The following MYOM2 variants were observed in gnomAD, a reference collection of about 807,000 sequenced individuals.
The protein encoded by MYOM2 is myomesin-2.
MYOM2 carries 254 observed loss-of-function variants against 187.6 expected under a neutral mutation model. The observed-to-expected ratio is 1.35, with a 90% confidence interval of 1.22 to 1.50. The LOEUF is 1.50. Ranked by LOEUF, MYOM2 falls within the 40% of genes most tolerant of loss-of-function variation. The probability of loss-of-function intolerance (pLI) is 0.00; values close to 1 mark genes in which losing one functional copy is unlikely to be tolerated. For synonymous variants in MYOM2, 981 were observed against 753.8 expected (o/e 1.30, Z -4.94); for missense variants, 2,796 against 1,924.0 (o/e 1.45, Z -8.48).
intron 35 of MYOM2, 85 bp from the exon 36 acceptor site, chr8:2,143,316 T>G: frequency 6.8e-7 from 1 of 1,464,706 alleles, no homozygotes; most frequent in Non-Finnish European, 9.6e-7. Context: ...ACATTCACCT[T>G]GGTACCCACT....
Position 2,098,750 on chromosome 8 carries a change from C to G in MYOM2, c.2314-107C>G. On this transcript the variant is annotated intron_variant, in intron 18 of 36. Transcript: ENST00000262113. Reference sequence around the variant, plus strand: ...TTGGTCCAATTTCCCGACAAGGTTCCTTCCTCTCATATTTTATTTCACAAG... The same window carrying G: ...TTGGTCCAATTTCCCGACAAGGTTCGTTCCTCTCATATTTTATTTCACAAG... 4.0e-6 allele frequency: 5 copies of G among 1,257,704 alleles called. No homozygotes were observed. In the South Asian group the frequency reaches 8.5e-5, roughly 21 times the overall value. 77.9% of individuals were successfully genotyped at this position (1,257,704 alleles called of 1,614,324 possible).
chr8:2,111,862 A>T (rs2116821492), intron 25 of MYOM2, among the ~76,000 whole-genome samples: 1 of 152,358 alleles, frequency 6.6e-6, no homozygotes, highest in East Asian at 1.9e-4. Context: ...TTCTGTTTAG[A>T]AAAAGTCTCA....
chr8:2,090,191 G>T lies in MYOM2; in HGVS notation c.1828G>T (p.Val610Phe). The T allele has an allele frequency of 1.2e-6, 2 of 1,611,076 alleles. No individual in the cohort carries two copies. Among genetic ancestry groups the T allele is most frequent in the East Asian group, 2.2e-5 (1 of 44,784 alleles). ...CCCCATTCAGGCCCAGGATGTGACC[G>T]GTGAGCTGTCACACTGGGTGGCCCC... The part of the protein sequence containing the change: ...TSPIQAQDVT[V>F]VPSAPGRVLA... Residue 610 changes from valine (V) to phenylalanine (F), a missense_variant and splice_region_variant, in exon 15 of 37, where the codon GTT becomes TTT. Val to Phe is a conservative substitution (Grantham distance 50). Coordinates refer to ENST00000262113, the MANE Select transcript of MYOM2 (RefSeq NM_003970.4).
At chr8:2,088,050 T>A (rs946089806) in intron 14 of MYOM2, among the ~76,000 whole-genome samples, 2 of 152,090 alleles carry the variant, frequency 1.3e-5, no homozygotes, top group African/African-American at 4.8e-5. Context: ...TTTTTGTAAT[T>A]TTTATTATTT....
At chr8:2,073,956 G>A (rs1033519703) in intron 10 of MYOM2, among the ~76,000 whole-genome samples, 1 of 152,264 alleles carries the variant, frequency 6.6e-6, no homozygotes, top group East Asian at 1.9e-4. Flanking sequence ...GACAGCCAGT[G>A]CTGTGACCTC....
intron 32 of MYOM2, among the ~76,000 whole-genome samples, chr8:2,135,822 G>C (rs1798049165): frequency 6.6e-6 from 1 of 152,270 alleles, no homozygotes; most frequent in South Asian, 2.1e-4. Context: ...AATTAATTCA[G>C]CGACTAGATA....
chr8:2,046,509 G>C (rs1818316092), intron 1 of MYOM2, among the ~76,000 whole-genome samples: 1 of 152,164 alleles, frequency 6.6e-6, no homozygotes, highest in South Asian at 2.1e-4. Context: ...GGGACGGTCT[G>C]TGCTAACAGT....
At chr8:2,099,413 C>T (rs180847658) in intron 19 of MYOM2, among the ~76,000 whole-genome samples, 3 of 151,792 alleles carry the variant, frequency 2.0e-5, no homozygotes, top group African/African-American at 7.3e-5. Context: ...GGTTCTCATT[C>T]GTGGGTTAGC....
chr8:2,117,929 T>A lies in MYOM2; in HGVS notation c.3430T>A (p.Cys1144Ser). The A allele has an allele frequency of 6.2e-7, 1 of 1,613,440 alleles. No homozygotes were observed. The highest frequency in any genetic ancestry group is 8.5e-7 in the Non-Finnish European group (1 of 1,179,660). ...EYLHWDVTEE[C>S]EVRLVCKVAN... ...CTTGCACTGGGATGTCACGGAAGAA[T>A]GTGAAGTTCGACTTGTTTGCAAGGT... The change falls in exon 28 of 37, where the codon TGT becomes AGT. Residue 1144 changes from cysteine (C) to serine (S), a missense_variant. By Grantham distance (112) the Cys-to-Ser change is moderately radical. Transcript: ENST00000262113.
At chr8:2,050,636 C>T (rs937936733) in intron 1 of MYOM2, 119 bp from the exon 2 acceptor site, 11 of 549,870 alleles carry the variant, frequency 2.0e-5, no homozygotes, top group African/African-American at 7.6e-5. Context: ...TCATTTTTTC[C>T]CTTCCCAAGG....
intron 29 of MYOM2, 68 bp from the exon 30 acceptor site, chr8:2,123,485 TAG>T: frequency 6.7e-7 from 1 of 1,487,686 alleles, no homozygotes. Context: ...GAAAATGTAT[TAG>T]AGTTTATTAC....
chr8:2,140,494 A>G (rs1798236187), intron 32 of MYOM2, among the ~76,000 whole-genome samples: 1 of 152,250 alleles, frequency 6.6e-6, no homozygotes, highest in Non-Finnish European at 1.5e-5. Context: ...ACAAGTATAT[A>G]TTACATAATA....
intron 13 of MYOM2, among the ~76,000 whole-genome samples, chr8:2,084,822 T>C (rs937179503): frequency 3.9e-5 from 6 of 152,146 alleles, no homozygotes; most frequent in Non-Finnish European, 7.3e-5. Context: ...GGGCACACGG[T>C]ATAAAGAAAG....
intron 28 of MYOM2, among the ~76,000 whole-genome samples, 173 bp from the exon 29 acceptor site, chr8:2,123,079 G>GT (rs1195898054): frequency 6.6e-6 from 1 of 152,182 alleles, no homozygotes; most frequent in African/African-American, 2.4e-5. Flanking sequence ...TTAGAAATGT[G>GT]TTTGACGTTA....
chr8:2,134,516 G>A (rs1471816132), intron 32 of MYOM2, among the ~76,000 whole-genome samples: 1 of 149,770 alleles, frequency 6.7e-6, no homozygotes, highest in Non-Finnish European at 1.5e-5. Context: ...CCGCAGACCT[G>A]TGTGCTGGGA....
rs1457247726 is a variant in MYOM2, at chr8:2,085,290, C to A, written c.1544C>A (p.Thr515Asn). The A allele has an allele frequency of 6.2e-7, 1 of 1,614,038 alleles. No homozygotes were observed. The highest frequency in any genetic ancestry group is 1.7e-5 in the Admixed American group (1 of 60,000). Residue 515 changes from threonine (T) to asparagine (N), a missense_variant, in exon 14 of 37, where the codon ACC (threonine) becomes AAC (asparagine). Coordinates refer to ENST00000262113, the MANE Select transcript of MYOM2 (RefSeq NM_003970.4). ...EGDAQVPGPPTGVHASEISRN... is the reference protein window; with the variant it reads ...EGDAQVPGPPNGVHASEISRN... Reference sequence around the variant, plus strand: ...GACGCCCAGGTTCCAGGGCCTCCCACCGGTGTGCACGCTTCCGAGATCAGC... The same window carrying A: ...GACGCCCAGGTTCCAGGGCCTCCCAACGGTGTGCACGCTTCCGAGATCAGC...
intron 19 of MYOM2, chr8:2,100,579 C>T (rs947437504): frequency 6.8e-5 from 26 of 382,532 alleles, no homozygotes; most frequent in Non-Finnish European, 6.8e-5. Flanking sequence ...TCCTTTCCCG[C>T]ACACCGTTCC....
Position 2,084,464 on chromosome 8 carries a change from A to C in MYOM2, c.1517-799A>C, listed in dbSNP as rs74472169. Among the ~76,000 whole-genome samples the C allele has an allele frequency of 4.5e-4, 68 of 152,332 alleles. 2 individuals carry two copies. Among genetic ancestry groups the C allele is most frequent in the African/African-American group, 1.6e-3 (66 of 41,576 alleles). On this transcript the variant is annotated intron_variant, in intron 13 of 36. Coordinates refer to ENST00000262113, the MANE Select transcript of MYOM2 (RefSeq NM_003970.4). ...GGGGAGGTTTCAGACCGTTTTAATCATGTGCTAATCTAATTGAAGGTTCAT... is the reference window on the plus strand; with the variant it reads ...GGGGAGGTTTCAGACCGTTTTAATCCTGTGCTAATCTAATTGAAGGTTCAT...
chr8:2,059,010 G>C (rs1038932817), intron 5 of MYOM2, 143 bp from the exon 6 acceptor site: 1 of 657,336 alleles, frequency 1.5e-6, no homozygotes, highest in East Asian at 2.7e-5. Context: ...GGGCCTCACC[G>C]TCAGGGCTCT....
Sources: gnomAD v4.1 joint callset for allele counts (sites outside exome capture counted in the v4.1 genomes callset) on GRCh38, gnomAD v4.1.1 for gene constraint, MANE v1.5 for transcripts, NCBI Gene and HGNC (gene_info 2026-07-23, HGNC 2026-07-21) for gene names.